Variants in LIFR observed in about 807,000 individuals in gnomAD.
LIFR encodes the protein leukemia inhibitory factor receptor.
In LIFR, 84 loss-of-function variants were observed where a neutral mutation model predicts 122.2. The ratio of observed to expected loss-of-function variants is 0.69; its 90% CI spans 0.58 to 0.82. The LOEUF is 0.82. Ranked by LOEUF, LIFR falls within the 40% of genes least tolerant of loss-of-function variation. The pLI is 0.00. For missense variants in LIFR, 1,294 were observed against 1,311.6 expected (o/e 0.99, Z 0.21); for synonymous variants, 422 against 434.7 (o/e 0.97, Z 0.36).
chr5:38,565,662 A>G (rs1279461172), intron 1 of LIFR, among the ~76,000 whole-genome samples: 5 of 148,350 alleles, frequency 3.4e-5, no homozygotes, highest in African/African-American at 1.3e-4. Flanking sequence ...GTCTCGGCTC[A>G]CTGCAGCCCC....
At chr5:38,499,689 C>T in intron 11 of LIFR, 106 bp from the exon 12 acceptor site, 3 of 813,870 alleles carry the variant, frequency 3.7e-6, no homozygotes, top group Non-Finnish European at 6.5e-6. Context: ...AAACGTGAAG[C>T]AGTTCAGTGG....
chr5:38,585,960 T>C (rs988484194), intron 1 of LIFR, among the ~76,000 whole-genome samples: 3 of 151,994 alleles, frequency 2.0e-5, no homozygotes, highest in Admixed American at 6.6e-5. Flanking sequence ...TCAATCCCCT[T>C]CTGTTTCCCA....
At chr5:38,580,974 T>C (rs1159972151) in intron 1 of LIFR, among the ~76,000 whole-genome samples, 1 of 152,202 alleles carries the variant, frequency 6.6e-6, no homozygotes, top group Admixed American at 6.5e-5. Context: ...ACTCTAATGC[T>C]ACAATGTCTT....
intron 5 of LIFR, among the ~76,000 whole-genome samples, chr5:38,516,621 A>C (rs1268688091): frequency 6.6e-6 from 1 of 152,204 alleles, no homozygotes; most frequent in Non-Finnish European, 1.5e-5. Flanking sequence ...AGTGTGAATT[A>C]GTTCAACCAC....
Position 38,482,137 on chromosome 5 carries a change from G to A in LIFR, c.2752C>T (p.Pro918Ser). The change falls in exon 20 of 20, where the codon CCT (proline) becomes TCT (serine). Residue 918 changes from proline (P) to serine (S), a missense_variant. Pro to Ser is a moderately conservative substitution (Grantham distance 74). Coordinates refer to ENST00000453190, the MANE Select transcript of LIFR (RefSeq NM_001127671.2). The part of the protein sequence containing the change: ...VEVLETRSAF[P>S]KIEDTEIISP... Reference sequence around the variant, plus strand: ...ATTATTTCTGTATCTTCTATTTTAGGAAATGCTGATCGAGTTTCCAGAACC... The same window carrying A: ...ATTATTTCTGTATCTTCTATTTTAGAAAATGCTGATCGAGTTTCCAGAACC... The A allele has an allele frequency of 6.3e-7, 1 of 1,585,666 alleles. No individual in the cohort carries two copies. Among genetic ancestry groups the A allele is most frequent in the Non-Finnish European group, 8.5e-7 (1 of 1,170,792 alleles).
At chr5:38,557,653 C>A (rs1405080565), upstream of LIFR, 1 of 154,586 alleles carries the variant, frequency 6.5e-6, no homozygotes, top group East Asian at 1.9e-4. Flanking sequence ...CGATGAAACT[C>A]CAAAGCAATT....
chr5:38,591,812 A>C (rs1749930197), intron 1 of LIFR, among the ~76,000 whole-genome samples: 1 of 152,222 alleles, frequency 6.6e-6, no homozygotes, highest in Non-Finnish European at 1.5e-5. Context: ...GTGTGACGAA[A>C]GTTTGTTTCA....
chr5:38,486,946 T>C (rs893943420), intron 16 of LIFR, among the ~76,000 whole-genome samples: 3 of 152,210 alleles, frequency 2.0e-5, no homozygotes, highest in African/African-American at 7.2e-5. Context: ...TATCTTGTTT[T>C]CCCATTGTTA....
intron 5 of LIFR, among the ~76,000 whole-genome samples, chr5:38,519,665 T>C (rs2112531200): frequency 6.6e-6 from 1 of 152,310 alleles, no homozygotes; most frequent in Non-Finnish European, 1.5e-5. Context: ...ACTAATAATA[T>C]CTTTACCTCC....
intron 4 of LIFR, among the ~76,000 whole-genome samples, chr5:38,525,791 G>C (rs1028676977): frequency 1.3e-5 from 2 of 152,168 alleles, no homozygotes; most frequent in Admixed American, 6.5e-5. Flanking sequence ...AGAGCAAGAG[G>C]CTTCCAAGAA....
At position 38,479,938 on chromosome 5, in the gene LIFR, T is replaced by C. The variant is rs1344505829; in HGVS notation, c.*1657A>G. On this transcript the variant is annotated 3_prime_UTR_variant, in exon 20 of 20. Transcript: ENST00000453190. ...CCACAGATCATAAAGCTCAGAAATT[T>C]AGCTGAATCCTAGCAGTTAAAATCA... 2 of 225,468 alleles carry C rather than the reference T, an allele frequency of 8.9e-6. No homozygotes were observed. Among genetic ancestry groups the C allele is most frequent in the Non-Finnish European group, 1.8e-5 (2 of 113,396 alleles). The allele number at this position is 225,468 out of a possible 1,614,324, so 14.0% of individuals were successfully genotyped here.
At chr5:38,504,200 C>T (rs1189740583) in intron 9 of LIFR, 79 bp from the exon 10 acceptor site, 1 of 1,050,290 alleles carries the variant, frequency 9.5e-7, no homozygotes, top group African/African-American at 1.6e-5. Context: ...GAGAAGAAAA[C>T]ATAAAAAACA....
At chr5:38,532,278 G>C (rs1005900014) in intron 1 of LIFR, among the ~76,000 whole-genome samples, 2 of 152,198 alleles carry the variant, frequency 1.3e-5, no homozygotes, top group African/African-American at 4.8e-5. Context: ...TCTGGACCAG[G>C]TGCTTCCAGA....
chr5:38,523,238 C>T (rs1399449219), intron 5 of LIFR, among the ~76,000 whole-genome samples, 181 bp downstream of exon 5: 2 of 152,164 alleles, frequency 1.3e-5, no homozygotes, highest in Non-Finnish European at 2.9e-5. Flanking sequence ...AATGGTTACA[C>T]ATCATTTAAT....
At position 38,590,445 on chromosome 5, in the gene LIFR, C is replaced by T. The variant is rs78744769; in HGVS notation, c.-20+4816G>A. Among the ~76,000 whole-genome samples, 659 of 152,286 alleles carry T rather than the reference C, an allele frequency of 4.3e-3. 8 individuals carry two copies. Among genetic ancestry groups the T allele is most frequent in the African/African-American group, 0.015 (618 of 41,554 alleles). On this transcript the variant is annotated intron_variant, in intron 1 of 19. Transcript: ENST00000263409. Reference sequence around the variant, plus strand: ...TTGGGTATCTCCTTTGACACTGCCTCTGTTGTCTGTGCCTGGCATAACATG... The same window carrying T: ...TTGGGTATCTCCTTTGACACTGCCTTTGTTGTCTGTGCCTGGCATAACATG...
intron 11 of LIFR, among the ~76,000 whole-genome samples, chr5:38,500,899 G>T (rs1240326830): frequency 1.3e-5 from 2 of 152,264 alleles, no homozygotes; most frequent in South Asian, 4.2e-4. Flanking sequence ...ATACTGTTCA[G>T]TCACCGGCTC....
At chr5:38,505,401 TACACACACACACACAC>T (rs58882043) in intron 9 of LIFR, among the ~76,000 whole-genome samples, 12 of 139,470 alleles carry the variant, frequency 8.6e-5, no homozygotes, top group Middle Eastern at 3.7e-3. Flanking sequence ...TGCATAGAAC[TACACACACACACACAC>T]ACACACACAC....
chr5:38,504,581 G>C (rs1230871195), intron 9 of LIFR, among the ~76,000 whole-genome samples: 1 of 152,116 alleles, frequency 6.6e-6, no homozygotes, highest in Non-Finnish European at 1.5e-5. Context: ...GGAAGAATCA[G>C]ACAAAAATTA....
At position 38,490,071 on chromosome 5, in the gene LIFR, T is replaced by A. The variant is rs1286461636; in HGVS notation, c.2167+119A>T. On this transcript the variant is annotated intron_variant, in intron 15 of 19. Transcript: ENST00000453190. The stretch of plus-strand genomic sequence containing the variant: ...ATCAAATACTTTTTAATTTATCAAA[T>A]TATTTTACCTTCCTTCAATTATACA... 6.7e-6 allele frequency: 3 copies of A among 447,358 alleles called. No homozygotes were observed. In the East Asian group the frequency reaches 1.1e-4, roughly 17 times the overall value. The allele number at this position is 447,358 out of a possible 1,614,324, so 27.7% of individuals were successfully genotyped here.
Sources: allele counts gnomAD v4.1 joint callset (sites outside exome capture counted in the v4.1 genomes callset), GRCh38; gene constraint gnomAD v4.1.1; transcripts MANE v1.5; gene names NCBI Gene and HGNC (gene_info 2026-07-23, HGNC 2026-07-21).